SMYD3: variants seen among roughly 807,000 people sequenced by gnomAD.
SMYD3 encodes the protein SET and MYND domain containing 3, also known as histone-lysine N-methyltransferase SMYD3.
SMYD3 carries 36 observed loss-of-function variants against 57.7 expected under a neutral mutation model. The ratio of observed to expected loss-of-function variants is 0.62; its 90% CI spans 0.48 to 0.82. The LOEUF (loss-of-function observed/expected upper bound fraction) is 0.82, where lower values mean the gene tolerates loss of function less well. SMYD3 is among the 40% of genes least tolerant of loss of function. The probability of loss-of-function intolerance (pLI) is 0.00; values close to 1 mark genes in which losing one functional copy is unlikely to be tolerated. For synonymous variants in SMYD3, 211 were observed against 195.0 expected, an observed-to-expected ratio of 1.08 and a Z score of -0.68; for missense variants, 515 against 538.8, an observed-to-expected ratio of 0.96 and a Z score of 0.44.
At chr1:245,872,601 G>GT (rs770987398) in intron 8 of SMYD3, among the ~76,000 whole-genome samples, 1 of 152,188 alleles carries the variant, frequency 6.6e-6, no homozygotes, top group Non-Finnish European at 1.5e-5. Context: ...AAAAATGCTC[G>GT]TGGTGAGGAG....
chr1:245,877,917 T>C (rs747523644), intron 8 of SMYD3, among the ~76,000 whole-genome samples: 18 of 152,070 alleles, frequency 1.2e-4, no homozygotes. Flanking sequence ...TCTGAAGATA[T>C]GCGACAGAGG....
At chr1:246,329,267 C>T (rs1013325842) in intron 4 of SMYD3, among the ~76,000 whole-genome samples, 1 of 152,182 alleles carries the variant, frequency 6.6e-6, no homozygotes, top group Non-Finnish European at 1.5e-5. Flanking sequence ...AATTGCCACA[C>T]TGACTTCCAC....
At chr1:246,249,562 G>A (rs1408885254) in intron 5 of SMYD3, among the ~76,000 whole-genome samples, 1 of 151,096 alleles carries the variant, frequency 6.6e-6, no homozygotes, top group East Asian at 1.9e-4. Flanking sequence ...AATGTACTGG[G>A]ATAAAATATT....
chr1:246,334,687 A>C (rs1319731991), intron 3 of SMYD3, among the ~76,000 whole-genome samples: 1 of 152,184 alleles, frequency 6.6e-6, no homozygotes, highest in Non-Finnish European at 1.5e-5. Flanking sequence ...CATGTAACAA[A>C]TCTGCACATG....
At chr1:246,363,730 C>G (rs1165488586) in intron 1 of SMYD3, among the ~76,000 whole-genome samples, 2 of 151,902 alleles carry the variant, frequency 1.3e-5, no homozygotes, top group Non-Finnish European at 2.9e-5. Flanking sequence ...GCAGCATGCT[C>G]GTTAAGAGTC....
At chr1:245,997,633 C>T (rs776795859) in intron 5 of SMYD3, among the ~76,000 whole-genome samples, 2 of 152,162 alleles carry the variant, frequency 1.3e-5, no homozygotes, top group African/African-American at 2.4e-5. Context: ...GGACTTTCTC[C>T]AGGCCAGCAG....
At chr1:246,469,100 C>T (rs2067923032) in intron 1 of SMYD3, among the ~76,000 whole-genome samples, 1 of 152,184 alleles carries the variant, frequency 6.6e-6, no homozygotes, top group African/African-American at 2.4e-5. Flanking sequence ...CCCAGCATGA[C>T]AAGCACATGC....
intron 8 of SMYD3, among the ~76,000 whole-genome samples, chr1:245,887,571 T>G (rs1254950091): frequency 6.6e-6 from 1 of 152,212 alleles, no homozygotes; most frequent in African/African-American, 2.4e-5. Context: ...AGACTGAATC[T>G]CTTTGAAACC....
At chr1:246,408,549 GGAATTACTGATAAGTAATGA>G (rs1348022605) in intron 1 of SMYD3, among the ~76,000 whole-genome samples, 7 of 151,972 alleles carry the variant, frequency 4.6e-5, no homozygotes, top group South Asian at 2.1e-4. Flanking sequence ...TTCTGGTGAG[GGAATTACTGATAAGTAATGA>G]GAATTACTGA....
chr1:245,959,627 G>A (rs1225412515), intron 5 of SMYD3, among the ~76,000 whole-genome samples: 3 of 152,138 alleles, frequency 2.0e-5, no homozygotes, highest in African/African-American at 4.8e-5. Context: ...TGCTCACTGT[G>A]TTCTCTTGTG....
intron 10 of SMYD3, among the ~76,000 whole-genome samples, chr1:245,817,206 G>A (rs377468294): frequency 3.5e-4 from 51 of 146,598 alleles, no homozygotes; most frequent in African/African-American, 5.6e-4. Flanking sequence ...ATCTGAGAAC[G>A]GGCAGACTGC....
intron 2 of SMYD3, among the ~76,000 whole-genome samples, chr1:246,339,830 C>G (rs1299796345): frequency 2.0e-5 from 3 of 152,230 alleles, no homozygotes; most frequent in Non-Finnish European, 4.4e-5. Context: ...CTCTTGTTCC[C>G]TCTCAGGAGC....
chr1:245,987,229 G>A (rs951657288), intron 5 of SMYD3, among the ~76,000 whole-genome samples: 8 of 152,136 alleles, frequency 5.3e-5, no homozygotes, highest in African/African-American at 1.9e-4. Flanking sequence ...CAATTTCCCA[G>A]GAGAAAAGGA....
intron 2 of SMYD3, among the ~76,000 whole-genome samples, chr1:246,339,311 C>A (rs534515270): frequency 1.3e-5 from 2 of 152,210 alleles, no homozygotes; most frequent in African/African-American, 4.8e-5. Context: ...AGTCTAATAC[C>A]TCAGCATTTA....
intron 1 of SMYD3, among the ~76,000 whole-genome samples, chr1:246,462,602 C>A (rs544820245): frequency 6.6e-6 from 1 of 152,122 alleles, no homozygotes; most frequent in Non-Finnish European, 1.5e-5. Flanking sequence ...GAAGAATCAC[C>A]ATCAGGCCAT....
intron 1 of SMYD3, among the ~76,000 whole-genome samples, chr1:246,364,538 G>A (rs915105248): frequency 6.6e-6 from 1 of 152,190 alleles, no homozygotes; most frequent in Admixed American, 6.5e-5. Flanking sequence ...AAAAGTAGAT[G>A]GAGTAGTACA....
At chr1:246,469,247 C>T (rs1175780386) in intron 1 of SMYD3, among the ~76,000 whole-genome samples, 1 of 152,186 alleles carries the variant, frequency 6.6e-6, no homozygotes, top group Non-Finnish European at 1.5e-5. Context: ...GAGGTCTCAC[C>T]AACGACTTCT....
At chr1:245,970,678 T>C (rs2058276992) in intron 5 of SMYD3, among the ~76,000 whole-genome samples, 1 of 152,180 alleles carries the variant, frequency 6.6e-6, no homozygotes, top group Admixed American at 6.5e-5. Context: ...AAGACACTTA[T>C]GTGGCCAAAA....
At chr1:246,397,494 C>T (rs2066692267) in intron 1 of SMYD3, among the ~76,000 whole-genome samples, 1 of 152,112 alleles carries the variant, frequency 6.6e-6, no homozygotes, top group Admixed American at 6.6e-5. Context: ...TATTTTAACA[C>T]AGCTATCCTA....
Sources: allele counts gnomAD v4.1 joint callset (sites outside exome capture counted in the v4.1 genomes callset), GRCh38; gene constraint gnomAD v4.1.1; transcripts MANE v1.5; gene names NCBI Gene and HGNC (gene_info 2026-07-23, HGNC 2026-07-21).